The following TAMM41 variants were observed in gnomAD, a reference collection of about 807,000 sequenced individuals.
TAMM41 encodes phosphatidate cytidylyltransferase, mitochondrial.
In TAMM41, 36 loss-of-function variants were observed where a neutral mutation model predicts 44.1. The ratio of observed to expected loss-of-function variants is 0.82; its 90% CI spans 0.63 to 1.08. TAMM41 has a LOEUF of 1.08. Among genes scored for constraint, TAMM41 ranks in the 50% least tolerant of loss-of-function variants. The pLI is 0.00. For synonymous variants in TAMM41, 164 were observed against 153.1 expected (o/e 1.07, Z -0.53); for missense variants, 417 against 404.3 (o/e 1.03, Z -0.27).
intron 5 of TAMM41, among the ~76,000 whole-genome samples, chr3:11,816,644 T>C (rs944986086): frequency 3.9e-5 from 6 of 152,064 alleles, no homozygotes; most frequent in Non-Finnish European, 2.9e-5. Context: ...CATGCACCTG[T>C]AGTCCCAGCT....
At chr3:11,736,048 AAAAC>A in the TAMM41 span, among the ~76,000 whole-genome samples, 3 of 152,366 alleles carry the variant, frequency 2.0e-5, no homozygotes, top group Admixed American at 6.5e-5. Flanking sequence ...AGAAGGGAGA[AAAAC>A]AAACCTATTT....
Position 11,845,959 on chromosome 3 carries a change from G to A in TAMM41, c.135+543C>T, listed in dbSNP as rs556793244. ...TAGTTACTTTCACTGCACCTGCCCT[G>A]GCCCTACAACCAGTCCGCCAACTTC... On this transcript the variant is annotated intron_variant, in intron 1 of 7. Transcript: ENST00000455809. Among the ~76,000 whole-genome samples the A allele has an allele frequency of 5.3e-5, 8 of 152,322 alleles. No individual in the cohort carries two copies. In the South Asian group the frequency reaches 1.7e-3, roughly 32 times the overall value.
chr3:11,757,351 G>A, the TAMM41 span, among the ~76,000 whole-genome samples: 1 of 152,186 alleles, frequency 6.6e-6, no homozygotes, highest in Non-Finnish European at 1.5e-5. Flanking sequence ...GGGAACAAGA[G>A]CACTGTTCTG....
intron 3 of TAMM41, among the ~76,000 whole-genome samples, chr3:11,831,395 G>C (rs980646455): frequency 6.6e-6 from 1 of 152,094 alleles, no homozygotes; most frequent in African/African-American, 2.4e-5. Flanking sequence ...ATTTACACTC[G>C]TACCATGATC....
chr3:11,772,215 C>A, the TAMM41 span, among the ~76,000 whole-genome samples: 1 of 151,414 alleles, frequency 6.6e-6, no homozygotes, highest in Admixed American at 6.6e-5. Flanking sequence ...GGACTACAGG[C>A]GCCTGCCACC....
downstream of TAMM41, among the ~76,000 whole-genome samples, chr3:11,788,445 C>A (rs144867740): frequency 6.6e-6 from 1 of 152,232 alleles, no homozygotes; most frequent in East Asian, 1.9e-4. Flanking sequence ...GCCACCACAT[C>A]TAGCTAATTT....
intron 7 of TAMM41, among the ~76,000 whole-genome samples, chr3:11,800,801 A>G (rs1199723686): frequency 6.6e-6 from 1 of 152,260 alleles, no homozygotes; most frequent in East Asian, 1.9e-4. Context: ...CTTTAGACCA[A>G]ATAGACTTAA....
the TAMM41 span, chr3:11,721,994 A>T: frequency 6.6e-6 from 1 of 152,238 alleles, no homozygotes; most frequent in Non-Finnish European, 1.5e-5. Context: ...TAACAATAAT[A>T]GTGCAACTGC....
intron 7 of TAMM41, among the ~76,000 whole-genome samples, chr3:11,793,048 AG>A (rs2077517638): frequency 8.1e-6 from 1 of 123,204 alleles, no homozygotes; most frequent in Non-Finnish European, 1.6e-5. Flanking sequence ...CCACAGAGCA[AG>A]GCCCCATCTC....
intron 3 of TAMM41, among the ~76,000 whole-genome samples, chr3:11,830,456 C>A (rs766605976): frequency 6.6e-6 from 1 of 152,160 alleles, no homozygotes; most frequent in African/African-American, 2.4e-5. Flanking sequence ...AGAATCGTCA[C>A]AAAGATTGAC....
the TAMM41 span, among the ~76,000 whole-genome samples, chr3:11,776,309 C>T: frequency 1.6e-4 from 23 of 143,632 alleles, no homozygotes; most frequent in South Asian, 3.8e-3. Context: ...TGAGCCACCG[C>T]GCCCGGCCAT....
At chr3:11,786,316 A>ATTTTTT (rs1207402327), downstream of TAMM41, among the ~76,000 whole-genome samples, 38 of 134,704 alleles carry the variant, frequency 2.8e-4, no homozygotes, top group Non-Finnish European at 5.7e-4. Context: ...TATTATTATT[A>ATTTTTT]TTTTTTGAGA....
intron 4 of TAMM41, among the ~76,000 whole-genome samples, chr3:11,824,906 G>C (rs2125014440): frequency 6.6e-6 from 1 of 152,286 alleles, no homozygotes; most frequent in African/African-American, 2.4e-5. Context: ...GGGAGTGGTG[G>C]AGTTGCAGTA....
chr3:11,741,944 A>AT, the TAMM41 span, among the ~76,000 whole-genome samples: 2 of 150,196 alleles, frequency 1.3e-5, no homozygotes, highest in Non-Finnish European at 2.9e-5. Context: ...GGACAAAGGG[A>AT]TTATTCACGT....
chr3:11,808,449 T>C (rs914743624), intron 6 of TAMM41: 3 of 986,494 alleles, frequency 3.0e-6, no homozygotes, highest in Non-Finnish European at 3.6e-6. Context: ...ACACACACTC[T>C]GCAAACCTAG....
the TAMM41 span, among the ~76,000 whole-genome samples, chr3:11,775,755 A>T: frequency 1.3e-5 from 2 of 152,316 alleles, no homozygotes; most frequent in East Asian, 1.9e-4. Flanking sequence ...GGGTGTGTTT[A>T]TGTATATATA....
chr3:11,813,479 G>A (rs1235670253), intron 5 of TAMM41, among the ~76,000 whole-genome samples: 6 of 152,032 alleles, frequency 3.9e-5, no homozygotes, highest in Non-Finnish European at 5.9e-5. Context: ...GCAGTGAGCC[G>A]AGATTGCGCC....
rs143866890 is a variant in TAMM41 at position 11,799,244 on chromosome 3, C to A, written c.937+8589G>T. ...CATTGCACTCTGGCCTGAGCTAGAA[C>A]CTGTCTCCAAAAAAACAAAACCCAA... On this transcript the variant is annotated intron_variant, in intron 7 of 7. Transcript: ENST00000455809. Among the ~76,000 whole-genome samples the A allele has an allele frequency of 2.0e-5, 3 of 150,536 alleles. 1 individual carries two copies. Among genetic ancestry groups the A allele is most frequent in the Non-Finnish European group, 4.5e-5 (3 of 67,284 alleles).
At chr3:11,845,058 T>C (rs1449987579) in intron 1 of TAMM41, 7 of 451,584 alleles carry the variant, frequency 1.6e-5, no homozygotes, top group African/African-American at 1.4e-4. Flanking sequence ...TCTGTGGATA[T>C]GGGAGCCAGC....
Sources: gnomAD v4.1 joint callset for allele counts (sites outside exome capture counted in the v4.1 genomes callset) on GRCh38, gnomAD v4.1.1 for gene constraint, MANE v1.5 for transcripts, NCBI Gene and HGNC (gene_info 2026-07-23, HGNC 2026-07-21) for gene names.